Variants in PIP4K2A observed in about 807,000 individuals in gnomAD.
The protein encoded by PIP4K2A is phosphatidylinositol-5-phosphate 4-kinase type 2 alpha.
A neutral mutation model predicts 42.9 loss-of-function variants in PIP4K2A; 14 were observed. The ratio of observed to expected loss-of-function variants is 0.33; its 90% CI spans 0.22 to 0.51. The LOEUF (loss-of-function observed/expected upper bound fraction) is 0.51, where lower values mean the gene tolerates loss of function less well. Among genes scored for constraint, PIP4K2A ranks in the 20% least tolerant of loss-of-function variants. The pLI is 0.97. For synonymous variants in PIP4K2A, 192 were observed against 192.2 expected, an observed-to-expected ratio of 1.00 and a Z score of 0.01; for missense variants, 434 against 519.8, an observed-to-expected ratio of 0.83 and a Z score of 1.61.
intron 6 of PIP4K2A, among the ~76,000 whole-genome samples, chr10:22,552,220 A>T (rs1836427726): frequency 6.6e-6 from 1 of 152,324 alleles, no homozygotes; most frequent in South Asian, 2.1e-4. Flanking sequence ...GGAGTTTGTA[A>T]TCTCGTACGG....
intron 6 of PIP4K2A, 31 bp from the exon 7 acceptor site, chr10:22,550,803 G>T: frequency 7.3e-7 from 1 of 1,377,464 alleles, no homozygotes; most frequent in Non-Finnish European, 1.0e-6. Context: ...AATGACAAAG[G>T]CGCTTGAAGA....
intron 3 of PIP4K2A, among the ~76,000 whole-genome samples, chr10:22,598,177 G>A (rs1346096535): frequency 6.6e-6 from 1 of 152,152 alleles, no homozygotes; most frequent in Non-Finnish European, 1.5e-5. Context: ...GGGCAGCATA[G>A]TAAGGCTCTG....
chr10:22,674,468 AAAGTT>A (rs1839517166), intron 1 of PIP4K2A, among the ~76,000 whole-genome samples: 1 of 151,424 alleles, frequency 6.6e-6, no homozygotes, highest in South Asian at 2.1e-4. Flanking sequence ...TCTCCTACTC[AAAGTT>A]AATTCCAGCC....
intron 1 of PIP4K2A, among the ~76,000 whole-genome samples, chr10:22,637,663 G>T (rs1407811174): frequency 6.6e-6 from 1 of 152,172 alleles, no homozygotes; most frequent in East Asian, 1.9e-4. Context: ...ACAGCACAAA[G>T]CAAGACAAGC....
intron 1 of PIP4K2A, among the ~76,000 whole-genome samples, chr10:22,702,675 G>A (rs140797500): frequency 2.2e-4 from 33 of 152,122 alleles, no homozygotes; most frequent in African/African-American, 7.2e-4. Flanking sequence ...TGCACAACCC[G>A]CTCAGCAAAA....
chr10:22,703,412 T>TA (rs1391413889), intron 1 of PIP4K2A, among the ~76,000 whole-genome samples: 4 of 151,378 alleles, frequency 2.6e-5, no homozygotes, highest in African/African-American at 7.3e-5. Flanking sequence ...TTGTCTCAAA[T>TA]AAAAAAATAA....
chr10:22,558,020 T>C (rs1836595251), intron 6 of PIP4K2A, among the ~76,000 whole-genome samples: 1 of 152,248 alleles, frequency 6.6e-6, no homozygotes, highest in Non-Finnish European at 1.5e-5. Flanking sequence ...TATTTCGGAA[T>C]GAATTTTTTG....
chr10:22,538,448 C>T (rs1426823629), intron 9 of PIP4K2A, among the ~76,000 whole-genome samples: 10 of 151,900 alleles, frequency 6.6e-5, no homozygotes, highest in Non-Finnish European at 7.4e-5. Context: ...AGCATTTGTC[C>T]AGACAACTCT....
intron 6 of PIP4K2A, among the ~76,000 whole-genome samples, chr10:22,562,860 T>C (rs1460536707): frequency 1.3e-5 from 2 of 152,168 alleles, no homozygotes; most frequent in Non-Finnish European, 2.9e-5. Context: ...GATATCTCTG[T>C]TCTGACGCCA....
intron 3 of PIP4K2A, among the ~76,000 whole-genome samples, chr10:22,597,584 T>C (rs1402386787): frequency 1.3e-5 from 2 of 152,086 alleles, no homozygotes; most frequent in Non-Finnish European, 2.9e-5. Flanking sequence ...TCTTTTATAC[T>C]GGGAGTGCTG....
At chr10:22,542,150 T>C in intron 7 of PIP4K2A, 103 bp from the exon 8 acceptor site, 1 of 1,064,832 alleles carries the variant, frequency 9.4e-7, no homozygotes, top group Non-Finnish European at 1.4e-6. Flanking sequence ...GGCTGTGGGG[T>C]GGGGCAGCAG....
Position 22,577,718 on chromosome 10 carries a change from T to C in PIP4K2A, c.493-4261A>G, listed in dbSNP as rs564197427. On this transcript the variant is annotated intron_variant, in intron 4 of 9. Transcript: ENST00000376573. ...CTCTCCAGTCACACTGCGACGCATC[T>C]TGTCGGGTTCTTGAGCATCCTCCCT... 1.2e-4 allele frequency among the ~76,000 whole-genome samples: 19 copies of C among 152,352 alleles called. 1 individual carries two copies. In the South Asian group the frequency reaches 3.7e-3, roughly 30 times the overall value.
chr10:22,627,395 G>C (rs1157340831), intron 1 of PIP4K2A, among the ~76,000 whole-genome samples: 1 of 151,862 alleles, frequency 6.6e-6, no homozygotes, highest in East Asian at 1.9e-4. Context: ...GAACAGCATA[G>C]ATTGCCCTAA....
chr10:22,546,113 T>C (rs1292604686), intron 7 of PIP4K2A, among the ~76,000 whole-genome samples: 2 of 152,204 alleles, frequency 1.3e-5, no homozygotes, highest in Admixed American at 1.3e-4. Context: ...TTGGTCTCAC[T>C]CGCCAGTTCC....
At chr10:22,668,634 T>C (rs545046868) in intron 1 of PIP4K2A, among the ~76,000 whole-genome samples, 2 of 152,318 alleles carry the variant, frequency 1.3e-5, no homozygotes, top group South Asian at 2.1e-4. Context: ...AAATAGAAGC[T>C]GGTTTTCTGA....
At chr10:22,627,337 TCA>T (rs1216780938) in intron 1 of PIP4K2A, among the ~76,000 whole-genome samples, 2 of 151,954 alleles carry the variant, frequency 1.3e-5, no homozygotes, top group African/African-American at 2.4e-5. Flanking sequence ...TATTTAACTC[TCA>T]CAGTCTCTCC....
chr10:22,676,897 T>A (rs531642082), intron 1 of PIP4K2A, among the ~76,000 whole-genome samples: 1 of 152,206 alleles, frequency 6.6e-6, no homozygotes, highest in Non-Finnish European at 1.5e-5. Context: ...AGCTGAATAC[T>A]GGGAGATGCT....
chr10:22,673,156 G>A (rs1411444803), intron 1 of PIP4K2A, among the ~76,000 whole-genome samples: 1 of 152,116 alleles, frequency 6.6e-6, no homozygotes, highest in Non-Finnish European at 1.5e-5. Flanking sequence ...ACCTAATTCA[G>A]GCATCACCTC....
chr10:22,599,142 A>C (rs1837696334), intron 3 of PIP4K2A, among the ~76,000 whole-genome samples: 1 of 152,242 alleles, frequency 6.6e-6, no homozygotes, highest in African/African-American at 2.4e-5. Context: ...TCAAACTCCA[A>C]GCATTCTTCT....
Sources: gnomAD v4.1 joint callset for allele counts (sites outside exome capture counted in the v4.1 genomes callset) on GRCh38, gnomAD v4.1.1 for gene constraint, MANE v1.5 for transcripts, NCBI Gene and HGNC (gene_info 2026-07-23, HGNC 2026-07-21) for gene names.